The following F10 variants were observed in gnomAD, a reference collection of about 807,000 sequenced individuals.
F10 encodes the protein Stuart-Prower factor.
A neutral mutation model predicts 37.1 loss-of-function variants in F10; 29 were observed. That is an observed-to-expected ratio of 0.78 (90% CI 0.58 to 1.07). The LOEUF is 1.07. F10 is among the 50% of genes least tolerant of loss of function. The pLI is 0.00. For synonymous variants in F10, 262 were observed against 268.6 expected (o/e 0.98, Z 0.24); for missense variants, 539 against 667.9 (o/e 0.81, Z 2.13).
intron 1 of F10, among the ~76,000 whole-genome samples, chr13:113,125,439 CT>C (rs1178932775): frequency 6.6e-6 from 1 of 152,262 alleles, no homozygotes; most frequent in Non-Finnish European, 1.5e-5. Flanking sequence ...ACAAACACAA[CT>C]GTGTGCTCGA....
In F10 at chr13:113,141,180, A is replaced by G; in HGVS notation, c.502+130A>G. The G allele has an allele frequency of 1.5e-6, 2 of 1,344,466 alleles. No homozygotes were observed. The highest frequency in any genetic ancestry group is 2.1e-6 in the Non-Finnish European group (2 of 973,284). The allele number at this position is 1,344,466 out of a possible 1,614,324, so 83.3% of individuals were successfully genotyped here. A position where few individuals can be genotyped will look rare whatever the true frequency, so the allele number is the denominator to read the frequency against. ...GGCAGGTAACAGTGACACCAAGAGG[A>G]CAGGACTGAGCCCTGGGCTCCGGGC... On this transcript the variant is annotated intron_variant, in intron 5 of 7. Transcript: ENST00000375559. The surrounding 1 kb of genome is among the most constrained non-coding windows in gnomAD (Gnocchi z 5.4).
At chr13:113,138,167 G>C (rs911173241) in intron 2 of F10, among the ~76,000 whole-genome samples, 5 of 152,328 alleles carry the variant, frequency 3.3e-5, no homozygotes, top group Middle Eastern at 3.4e-3. Flanking sequence ...GTAGCAAACA[G>C]AGCAAGCCAT....
At position 113,144,240 on chromosome 13, in the gene F10, G is replaced by T; in HGVS notation, c.747+145G>T. On this transcript the variant is annotated intron_variant, in intron 6 of 7. Transcript: ENST00000375559. The surrounding 1 kb of genome is among the most constrained non-coding windows in gnomAD (Gnocchi z 6.4). ...CAGAGGGGCTCCGCCACCCAAGCCT[G>T]CCTGCCTGTCCCCTCCCTCCGGGCA... 1.6e-6 allele frequency: 2 copies of T among 1,279,514 alleles called. No homozygotes were observed. Among genetic ancestry groups the T allele is most frequent in the Non-Finnish European group, 2.2e-6 (2 of 921,020 alleles). 79.3% of individuals were successfully genotyped at this position (1,279,514 alleles called of 1,614,324 possible).
At position 113,144,226 on chromosome 13, in the gene F10, C is replaced by T. The variant is rs1162631935; in HGVS notation, c.747+131C>T. The T allele has an allele frequency of 1.1e-5, 15 of 1,407,590 alleles. No homozygotes were observed. The highest frequency in any genetic ancestry group is 2.4e-5 in the East Asian group (1 of 40,986). 87.2% of individuals were successfully genotyped at this position (1,407,590 alleles called of 1,614,324 possible). A position where few individuals can be genotyped will look rare whatever the true frequency, so the allele number is the denominator to read the frequency against. On this transcript the variant is annotated intron_variant, in intron 6 of 7. Transcript: ENST00000375559. The surrounding 1 kb of genome is among the most constrained non-coding windows in gnomAD (Gnocchi z 6.4). ...GTTCCGAACTAGGACAGAGGGGCTC[C>T]GCCACCCAAGCCTGCCTGCCTGTCC...
chr13:113,140,211 C>T (rs1403713412), intron 4 of F10, among the ~76,000 whole-genome samples: 1 of 151,476 alleles, frequency 6.6e-6, no homozygotes, highest in African/African-American at 2.4e-5. Context: ...GTAGCTGGGA[C>T]TATAGGCCCC....
intron 5 of F10, among the ~76,000 whole-genome samples, chr13:113,142,268 G>A (rs1449626323): frequency 1.3e-5 from 2 of 152,172 alleles, no homozygotes; most frequent in African/African-American, 2.4e-5. Context: ...TGGGCCGGGT[G>A]CAGTAGCTCA....
At chr13:113,148,507 C>T (rs1362745845) in intron 7 of F10, among the ~76,000 whole-genome samples, 1 of 152,032 alleles carries the variant, frequency 6.6e-6, no homozygotes, top group Non-Finnish European at 1.5e-5. Flanking sequence ...ACATTCCGCA[C>T]ATTTTCTTTC....
intron 1 of F10, among the ~76,000 whole-genome samples, chr13:113,127,219 C>CT (rs2036378984): frequency 6.6e-6 from 1 of 152,086 alleles, no homozygotes; most frequent in Non-Finnish European, 1.5e-5. Context: ...TAATAAGTGA[C>CT]TAAGGTGTTT....
chr13:113,143,703 G>GAATT lies in F10; in HGVS notation c.503-148_503-147insAATT. On this transcript the variant is annotated intron_variant, in intron 5 of 7. Coordinates refer to ENST00000375559, the MANE Select transcript of F10 (RefSeq NM_000504.4). The surrounding 1 kb of genome is among the most constrained non-coding windows in gnomAD (Gnocchi z 6.8). Reference sequence around the variant, plus strand: ...CAGATCCGACCCCTGCCGACGACGTGGGGCCTCGCCCTGCAAGCCCGCTGC... The same window carrying GAATT: ...CAGATCCGACCCCTGCCGACGACGTGAATTGGGCCTCGCCCTGCAAGCCCGCTGC... The GAATT allele has an allele frequency of 8.4e-7, 1 of 1,188,356 alleles. No individual in the cohort carries two copies. The highest frequency in any genetic ancestry group is 1.6e-5 in the South Asian group (1 of 62,634). The allele number at this position is 1,188,356 out of a possible 1,614,324, so 73.6% of individuals were successfully genotyped here.
At chr13:113,132,345 T>A (rs1048044062) in intron 2 of F10, among the ~76,000 whole-genome samples, 2 of 152,268 alleles carry the variant, frequency 1.3e-5, no homozygotes, top group African/African-American at 4.8e-5. Flanking sequence ...CTTCTTTACT[T>A]ATATATAGCT....
chr13:113,143,724 G>GAGTGTAGAT lies in F10; in HGVS notation c.503-127_503-126insAGTGTAGAT. 7.1e-7 allele frequency: 1 copy of GAGTGTAGAT among 1,402,218 alleles called. No homozygotes were observed. Among genetic ancestry groups the GAGTGTAGAT allele is most frequent in the South Asian group, 1.3e-5 (1 of 74,250 alleles). 86.9% of individuals were successfully genotyped at this position (1,402,218 alleles called of 1,614,324 possible). Reference sequence around the variant, plus strand: ...ACGTGGGGCCTCGCCCTGCAAGCCCGCTGCCCCTCCGGGTGCCCCTGCGCT... The same window carrying GAGTGTAGAT: ...ACGTGGGGCCTCGCCCTGCAAGCCCGAGTGTAGATCTGCCCCTCCGGGTGCCCCTGCGCT... On this transcript the variant is annotated intron_variant, in intron 5 of 7. Transcript: ENST00000375559. The surrounding 1 kb of genome is among the most constrained non-coding windows in gnomAD (Gnocchi z 6.8).
rs774439108 is a variant in F10 at position 113,143,633 on chromosome 13, G to A, written c.503-218G>A. ...TGCCTGGCGTCCATTGTTCACAGGCGGTCACCTGAGGGGAGGCCAACGCTC... is the reference window on the plus strand; with the variant it reads ...TGCCTGGCGTCCATTGTTCACAGGCAGTCACCTGAGGGGAGGCCAACGCTC... On this transcript the variant is annotated intron_variant, in intron 5 of 7. Coordinates refer to ENST00000375559, the MANE Select transcript of F10 (RefSeq NM_000504.4). The surrounding 1 kb of genome is among the most constrained non-coding windows in gnomAD (Gnocchi z 6.8). Among the ~76,000 whole-genome samples, 5 of 152,098 alleles carry A rather than the reference G, an allele frequency of 3.3e-5. No homozygotes were observed. Among genetic ancestry groups the A allele is most frequent in the Non-Finnish European group, 5.9e-5 (4 of 68,026 alleles).
chr13:113,133,996 A>G (rs983194372), intron 2 of F10, among the ~76,000 whole-genome samples: 24 of 152,366 alleles, frequency 1.6e-4, no homozygotes, highest in Admixed American at 4.6e-4. Context: ...TAAAAAACCT[A>G]TCAGCAGAAT....
At chr13:113,138,546 A>G in intron 3 of F10, 65 bp downstream of exon 3, 1 of 1,031,954 alleles carries the variant, frequency 9.7e-7, no homozygotes, top group African/African-American at 1.6e-5. Flanking sequence ...AATTTTGAAA[A>G]TAGTTCCTGA....
intron 1 of F10, among the ~76,000 whole-genome samples, chr13:113,124,200 G>A (rs759133776): frequency 4.6e-5 from 7 of 152,218 alleles, no homozygotes; most frequent in Non-Finnish European, 8.8e-5. Context: ...CTGGCTTATT[G>A]GGAATGGAAG....
intron 2 of F10, among the ~76,000 whole-genome samples, chr13:113,137,114 G>A (rs1299680818): frequency 6.6e-6 from 1 of 152,186 alleles, no homozygotes; most frequent in African/African-American, 2.4e-5. Context: ...GCCAAAAGCT[G>A]GAAGTAAGAT....
intron 2 of F10, among the ~76,000 whole-genome samples, chr13:113,135,471 G>A (rs2036470707): frequency 6.6e-6 from 1 of 152,188 alleles, no homozygotes; most frequent in African/African-American, 2.4e-5. Flanking sequence ...GGTGCCTCAT[G>A]GCTGTATCCT....
chr13:113,124,741 G>A (rs149772167), intron 1 of F10, among the ~76,000 whole-genome samples: 5 of 152,232 alleles, frequency 3.3e-5, no homozygotes, highest in Non-Finnish European at 2.9e-5. Flanking sequence ...TCCTTTGCTG[G>A]TACTGCTACA....
chr13:113,125,885 G>T (rs1297610420), intron 1 of F10, among the ~76,000 whole-genome samples: 1 of 152,166 alleles, frequency 6.6e-6, no homozygotes, highest in Non-Finnish European at 1.5e-5. Context: ...AGAGGGGTTG[G>T]GTGCTAGAAG....
Sources: allele counts gnomAD v4.1 joint callset (sites outside exome capture counted in the v4.1 genomes callset), GRCh38; gene constraint gnomAD v4.1.1; non-coding constraint Gnocchi (gnomAD v3.1); transcripts MANE v1.5; gene names NCBI Gene and HGNC (gene_info 2026-07-23, HGNC 2026-07-21).